MTA3: variants seen among roughly 807,000 people sequenced by gnomAD.
MTA3 encodes metastasis associated 1 family member 3.
MTA3 carries 34 observed loss-of-function variants against 83.5 expected under a neutral mutation model. The observed-to-expected ratio is 0.41, with a 90% CI of 0.31 to 0.54. The LOEUF (loss-of-function observed/expected upper bound fraction) is 0.54. MTA3 is among the 20% of genes least tolerant of loss of function. The probability of loss-of-function intolerance (pLI) is 0.33; values close to 1 mark genes in which losing one functional copy is unlikely to be tolerated. For synonymous variants in MTA3, 303 were observed against 252.7 expected (o/e 1.20, Z -1.89); for missense variants, 761 against 726.4 (o/e 1.05, Z -0.55).
intron 3 of MTA3, among the ~76,000 whole-genome samples, chr2:42,596,734 T>A (rs1681830520): frequency 6.6e-6 from 1 of 152,236 alleles, no homozygotes; most frequent in Non-Finnish European, 1.5e-5. Context: ...GTGTTAGCTT[T>A]ACTTCTGTCA....
intron 3 of MTA3, among the ~76,000 whole-genome samples, chr2:42,604,119 A>G (rs1318059889): frequency 2.6e-5 from 4 of 151,534 alleles, no homozygotes; most frequent in African/African-American, 7.3e-5. Context: ...TTGGCTTACT[A>G]TAACCTCCGT....
chr2:42,748,201 T>TGTG (rs1553402307), intron 16 of MTA3, among the ~76,000 whole-genome samples: 19,842 of 137,542 alleles, frequency 0.14, 1,727 homozygotes, highest in East Asian at 0.39. Context: ...GCTAATGTGT[T>TGTG]TGTGTGTGTG....
intron 8 of MTA3, among the ~76,000 whole-genome samples, chr2:42,679,343 A>G (rs1193301128): frequency 1.3e-5 from 2 of 152,180 alleles, no homozygotes; most frequent in African/African-American, 4.8e-5. Context: ...GGCGGGGAAT[A>G]GTGTGATTCT....
At chr2:42,553,967 C>T (rs1043670738) in intron 2 of MTA3, among the ~76,000 whole-genome samples, 2 of 150,272 alleles carry the variant, frequency 1.3e-5, no homozygotes, top group African/African-American at 4.9e-5. Flanking sequence ...GGCATGGTGG[C>T]TCACGCGTGT....
chr2:42,631,000 GTC>G (rs1230653913), intron 4 of MTA3, among the ~76,000 whole-genome samples: 3 of 152,148 alleles, frequency 2.0e-5, no homozygotes, highest in Non-Finnish European at 4.4e-5. Context: ...TGGATTATTA[GTC>G]TCTCTTCAGT....
chr2:42,584,958 GTC>G (rs1680094470), intron 3 of MTA3, among the ~76,000 whole-genome samples: 1 of 151,222 alleles, frequency 6.6e-6, no homozygotes. Flanking sequence ...TTGAGACAGA[GTC>G]TCGCTCTGTC....
chr2:42,496,175 A>G lies in MTA3; in HGVS notation c.-141+921A>G, dbSNP rs1674122230. Among the ~76,000 whole-genome samples the G allele has an allele frequency of 2.6e-5, 4 of 152,300 alleles. No homozygotes were observed. The South Asian group carries it at 8.3e-4, about 32-fold the overall frequency. On this transcript the variant is annotated intron_variant, in intron 2 of 17. Transcript: ENST00000405592. The stretch of plus-strand genomic sequence containing the variant: ...GAAGAAATATCTCATTTTAAATTAC[A>G]TTTGAGCTTAGAAAACAAATTAATT...
At position 42,697,810 on chromosome 2, in the gene MTA3, T is replaced by A; in HGVS notation, c.1001T>A (p.Leu334Gln). 6.5e-7 allele frequency: 1 copy of A among 1,545,300 alleles called. No individual in the cohort carries two copies. The highest frequency in any genetic ancestry group is 8.7e-7 in the Non-Finnish European group (1 of 1,147,520). Reference sequence around the variant, plus strand: ...AAAGCAGCAGAAGCTGAGAGTAAACTGAAACAAGTATATATCCCAACCTAG... The same window carrying A: ...AAAGCAGCAGAAGCTGAGAGTAAACAGAAACAAGTATATATCCCAACCTAG... ...RLKAAEAESK[L>Q]KQVYIPTYSK... Residue 334 changes from leucine (L) to glutamine (Q), a missense_variant, in exon 11 of 17, where the codon CTG becomes CAG. By Grantham distance (113) the Leu-to-Gln change is moderately radical (BLOSUM62 -2). Transcript: ENST00000405094.
intron 2 of MTA3, among the ~76,000 whole-genome samples, chr2:42,544,185 C>T (rs1300647609): frequency 6.6e-5 from 10 of 152,226 alleles, no homozygotes; most frequent in East Asian, 5.8e-4. Context: ...CGGTGGCTCA[C>T]GCCTGTAATC....
chr2:42,722,821 G>A lies in MTA3; in HGVS notation c.1613-68G>A, dbSNP rs374846689. On this transcript the variant is annotated intron_variant, in intron 15 of 16. Coordinates refer to ENST00000405094, the MANE Select transcript of MTA3 (RefSeq NM_001330442.2). ...TAAGAAATAAGATGTGTGCCTATTAGCCAATGTAAATGCACACAGATTTTT... is the reference window on the plus strand; with the variant it reads ...TAAGAAATAAGATGTGTGCCTATTAACCAATGTAAATGCACACAGATTTTT... 2.0e-6 allele frequency: 3 copies of A among 1,509,110 alleles called. No homozygotes were observed. The African/African-American group carries it at 4.2e-5, about 21-fold the overall frequency. 93.5% of individuals were successfully genotyped at this position (1,509,110 alleles called of 1,614,324 possible). A position where few individuals can be genotyped will look rare whatever the true frequency, so the allele number is the denominator to read the frequency against.
At chr2:42,668,334 C>T (rs1290354828) in intron 8 of MTA3, among the ~76,000 whole-genome samples, 1 of 152,156 alleles carries the variant, frequency 6.6e-6, no homozygotes, top group Non-Finnish European at 1.5e-5. Flanking sequence ...GTAATGTTTG[C>T]AAACATTGGG....
chr2:42,722,534 C>A (rs1667492960), intron 15 of MTA3, among the ~76,000 whole-genome samples: 1 of 152,192 alleles, frequency 6.6e-6, no homozygotes, highest in South Asian at 2.1e-4. Flanking sequence ...CACCCCAAGG[C>A]TACCTCTCCA....
At chr2:42,560,592 A>AACACACAC (rs368564576) in intron 2 of MTA3, among the ~76,000 whole-genome samples, 75 of 149,402 alleles carry the variant, frequency 5.0e-4, no homozygotes, top group African/African-American at 1.8e-3. Flanking sequence ...AAACAAACAA[A>AACACACAC]ACACACACAC....
intron 16 of MTA3, among the ~76,000 whole-genome samples, chr2:42,732,137 C>T (rs1469143047): frequency 6.6e-6 from 1 of 152,206 alleles, no homozygotes. Context: ...GGCAGTGCCC[C>T]AGTAGGGACT....
At chr2:42,725,702 T>G (rs1038316624) in intron 16 of MTA3, among the ~76,000 whole-genome samples, 18 of 152,178 alleles carry the variant, frequency 1.2e-4, no homozygotes, top group African/African-American at 4.3e-4. Flanking sequence ...TGAGGCTGGT[T>G]CTGGTACAAG....
At chr2:42,703,227 C>G (rs894046809) in intron 11 of MTA3, 1 of 152,242 alleles carries the variant, frequency 6.6e-6, no homozygotes, top group South Asian at 2.1e-4. Flanking sequence ...CTTTTCTCCT[C>G]TTAAAAAATA....
intron 2 of MTA3, among the ~76,000 whole-genome samples, chr2:42,571,021 T>A (rs1353211706): frequency 6.7e-6 from 1 of 149,352 alleles, no homozygotes; most frequent in Non-Finnish European, 1.5e-5. Context: ...CAAAAAAAAA[T>A]AAAAATAAAA....
chr2:42,671,954 C>T (rs1338160730), intron 8 of MTA3, among the ~76,000 whole-genome samples: 1 of 152,184 alleles, frequency 6.6e-6, no homozygotes. Context: ...AGAAAATACC[C>T]TCATGATAAA....
At chr2:42,656,005 G>A (rs1349839718) in intron 6 of MTA3, among the ~76,000 whole-genome samples, 195 bp from the exon 7 acceptor site, 2 of 152,220 alleles carry the variant, frequency 1.3e-5, no homozygotes. Flanking sequence ...ATACCTTTCG[G>A]TTAGTTTGGT....
Sources: gnomAD v4.1 joint callset for allele counts (sites outside exome capture counted in the v4.1 genomes callset) on GRCh38, gnomAD v4.1.1 for gene constraint, MANE v1.5 for transcripts, NCBI Gene and HGNC (gene_info 2026-07-23, HGNC 2026-07-21) for gene names.